The following CACNB2 variants were observed in gnomAD, a reference collection of about 807,000 sequenced individuals.
CACNB2 encodes the protein calcium voltage-gated channel auxiliary subunit beta 2, also known as voltage-dependent L-type calcium channel subunit beta-2.
Under a neutral mutation model 73.3 loss-of-function variants are expected in CACNB2, and 42 were observed. The observed-to-expected ratio is 0.57, with a 90% CI of 0.45 to 0.74. The LOEUF (loss-of-function observed/expected upper bound fraction) is 0.74, where lower values mean the gene tolerates loss of function less well. CACNB2 is among the 30% of genes least tolerant of loss of function. The pLI is 0.00. For missense variants in CACNB2, 940 were observed against 853.0 expected (o/e 1.10, Z -1.27); for synonymous variants, 348 against 310.3 (o/e 1.12, Z -1.28).
chr10:18,270,444 A>G (rs893454499), intron 2 of CACNB2, among the ~76,000 whole-genome samples: 4 of 152,056 alleles, frequency 2.6e-5, no homozygotes, highest in African/African-American at 7.2e-5. Context: ...TCCACATTGG[A>G]ACTGCCATTG....
intron 3 of CACNB2, among the ~76,000 whole-genome samples, chr10:18,404,886 T>C (rs778516978): frequency 1.5e-3 from 235 of 152,230 alleles, no homozygotes; most frequent in Admixed American, 3.7e-3. Context: ...ACCACTAAAC[T>C]GCAGTGAACA....
chr10:18,457,191 C>T (rs1275623360), intron 3 of CACNB2, among the ~76,000 whole-genome samples: 3 of 152,256 alleles, frequency 2.0e-5, no homozygotes, highest in East Asian at 1.9e-4. Flanking sequence ...CCTGGGGCTG[C>T]GTGATCCTCC....
At chr10:18,329,386 A>G (rs2040708715) in intron 2 of CACNB2, among the ~76,000 whole-genome samples, 1 of 152,140 alleles carries the variant, frequency 6.6e-6, no homozygotes, top group African/African-American at 2.4e-5. Flanking sequence ...AACAAAAGAA[A>G]AGTTCTTATT....
At chr10:18,220,246 G>C (rs1468159292) in intron 2 of CACNB2, among the ~76,000 whole-genome samples, 1,279 of 104,536 alleles carry the variant, frequency 0.012, 92 homozygotes, top group East Asian at 0.095. Flanking sequence ...GAGAGAGAGA[G>C]AGAGAGAGAG....
chr10:18,385,475 A>C (rs985376440), intron 2 of CACNB2, among the ~76,000 whole-genome samples: 1 of 150,206 alleles, frequency 6.7e-6, no homozygotes, highest in African/African-American at 2.5e-5. Context: ...ACTTATCAAA[A>C]AATTAGCTGG....
intron 2 of CACNB2, among the ~76,000 whole-genome samples, chr10:18,171,521 G>GGAAAAAAAAAAAAAA (rs1185764878): frequency 6.1e-5 from 2 of 32,588 alleles, no homozygotes; most frequent in Non-Finnish European, 1.1e-4. Context: ...TTTGATAGCA[G>GGAAAAAAAAAAAAAA]AAAAAAAAAA....
At chr10:18,265,982 C>G (rs900672714) in intron 2 of CACNB2, among the ~76,000 whole-genome samples, 1 of 151,732 alleles carries the variant, frequency 6.6e-6, no homozygotes, top group African/African-American at 2.4e-5. Flanking sequence ...TTATAAGATC[C>G]ACACTTTCCA....
At chr10:18,520,116 C>A (rs899240256) in intron 9 of CACNB2, 7 of 192,740 alleles carry the variant, frequency 3.6e-5, no homozygotes, top group Admixed American at 1.2e-4. Context: ...TTTTAAATTC[C>A]ATTCCTTTGC....
chr10:18,219,462 T>C (rs2035640867), intron 2 of CACNB2, among the ~76,000 whole-genome samples: 1 of 152,186 alleles, frequency 6.6e-6, no homozygotes. Flanking sequence ...TTTTTAAATA[T>C]AGTTCTAGAG....
chr10:18,334,309 G>A (rs906146050), intron 2 of CACNB2, among the ~76,000 whole-genome samples: 10 of 152,158 alleles, frequency 6.6e-5, no homozygotes, highest in Admixed American at 1.3e-4. Flanking sequence ...CTCCAGTGGC[G>A]TCTGTGCGCT....
At chr10:18,424,904 G>C (rs967846082) in intron 3 of CACNB2, among the ~76,000 whole-genome samples, 7 of 152,166 alleles carry the variant, frequency 4.6e-5, no homozygotes, top group Non-Finnish European at 4.4e-5. Flanking sequence ...GATAATCCCA[G>C]TCTGGAAGCA....
At chr10:18,341,781 G>A (rs1049183571) in intron 2 of CACNB2, among the ~76,000 whole-genome samples, 2 of 152,024 alleles carry the variant, frequency 1.3e-5, no homozygotes, top group Non-Finnish European at 2.9e-5. Context: ...GTATAATAGA[G>A]AAAAAAATGC....
intron 3 of CACNB2, among the ~76,000 whole-genome samples, chr10:18,432,921 T>C (rs569978146): frequency 1.6e-4 from 25 of 152,132 alleles, no homozygotes; most frequent in Non-Finnish European, 3.5e-4. Context: ...ATAGGAAATA[T>C]AGCCAAAGAA....
Position 18,540,089 on chromosome 10 carries a change from G to T in CACNB2, c.*365G>T. 1 of 197,658 alleles carries T rather than the reference G, an allele frequency of 5.1e-6. No individual in the cohort carries two copies. Among genetic ancestry groups the T allele is most frequent in the Non-Finnish European group, 1.1e-5 (1 of 95,122 alleles). The allele number at this position is 197,658 out of a possible 1,614,324, so 12.2% of individuals were successfully genotyped here. ...CCAGAATCAGCACAGATAAAAAGTG[G>T]AATTTCTTGTTTCTCCAGATTTTTA... On this transcript the variant is annotated 3_prime_UTR_variant, in exon 14 of 14. Coordinates refer to ENST00000324631, the MANE Select transcript of CACNB2 (RefSeq NM_201596.3).
intron 2 of CACNB2, among the ~76,000 whole-genome samples, chr10:18,166,929 A>AGAG (rs2032898716): frequency 6.6e-6 from 1 of 152,218 alleles, no homozygotes; most frequent in African/African-American, 2.4e-5. Flanking sequence ...AGAAATGCAC[A>AGAG]GAGGAGGGAG....
chr10:18,201,565 A>T (rs1047330301), intron 2 of CACNB2, among the ~76,000 whole-genome samples: 1 of 152,198 alleles, frequency 6.6e-6, no homozygotes, highest in Non-Finnish European at 1.5e-5. Flanking sequence ...ATGGGCCAGT[A>T]TCATTTCTAT....
At position 18,143,145 on chromosome 10, in the gene CACNB2, G is replaced by A. The variant is rs575835155; in HGVS notation, c.120+2289G>A. Among the ~76,000 whole-genome samples the A allele has an allele frequency of 4.6e-5, 7 of 152,324 alleles. No individual in the cohort carries two copies. The South Asian group carries it at 1.2e-3, about 27-fold the overall frequency. ...ACAAAGCAATTTGAGACTACATCTT[G>A]GGGACTTGGAATCTTTAGTGTATTG... is the stretch of plus-strand genomic sequence containing the variant. On this transcript the variant is annotated intron_variant, in intron 1 of 13. Coordinates refer to ENST00000324631, the MANE Select transcript of CACNB2 (RefSeq NM_201596.3).
chr10:18,355,932 G>A lies in CACNB2; in HGVS notation c.214-45992G>A, dbSNP rs561209197. Among the ~76,000 whole-genome samples the A allele has an allele frequency of 8.5e-5, 13 of 152,168 alleles. No individual in the cohort carries two copies. The South Asian group carries it at 2.3e-3, about 27-fold the overall frequency. ...ATTACAGGCGTGAGCCACCATGCCC[G>A]GCCTCTGATTTTTTATTCTCCTCTG... On this transcript the variant is annotated intron_variant, in intron 2 of 13. Transcript: ENST00000324631.
At chr10:18,255,714 T>C (rs958389141) in intron 2 of CACNB2, among the ~76,000 whole-genome samples, 5 of 152,208 alleles carry the variant, frequency 3.3e-5, no homozygotes, top group Non-Finnish European at 7.3e-5. Context: ...CCCTAGGCTC[T>C]TCATAGTTGC....
Sources: allele counts gnomAD v4.1 joint callset (sites outside exome capture counted in the v4.1 genomes callset), GRCh38; gene constraint gnomAD v4.1.1; transcripts MANE v1.5; gene names NCBI Gene and HGNC (gene_info 2026-07-23, HGNC 2026-07-21).